The following STAG1 variants were observed in gnomAD, a reference collection of about 807,000 sequenced individuals.
The protein encoded by STAG1 is cohesin subunit SA-1.
In STAG1, 26 loss-of-function variants were observed where a neutral mutation model predicts 170.9. That is an observed-to-expected ratio of 0.15 (90% CI 0.11 to 0.21). The LOEUF (loss-of-function observed/expected upper bound fraction) is 0.21, where lower values mean the gene tolerates loss of function less well. Among genes scored for constraint, STAG1 ranks in the 10% least tolerant of loss-of-function variants. STAG1 has a pLI of 1.00. For missense variants in STAG1, 964 were observed against 1,509.5 expected (o/e 0.64, Z 5.99); for synonymous variants, 514 against 497.7 (o/e 1.03, Z -0.44).
At chr3:136,688,718 T>C (rs879432293) in intron 1 of STAG1, among the ~76,000 whole-genome samples, 1 of 152,164 alleles carries the variant, frequency 6.6e-6, no homozygotes, top group African/African-American at 2.4e-5. Context: ...TATGTTGTTT[T>C]GACAATGTCC....
Position 136,607,949 on chromosome 3 carries a change from CAG to C in STAG1, c.133-3478_133-3477del, listed in dbSNP as rs530954258. On this transcript the variant is annotated intron_variant, in intron 3 of 33. Transcript: ENST00000383202. ...GGTTCCTTTTATTGGAAAATGATAT[CAG>C]AGAGTAAGAACTGCACACTGGTTGG... Among the ~76,000 whole-genome samples, 274 of 152,264 alleles carry C rather than the reference CAG, an allele frequency of 1.8e-3. 1 individual carries two copies. Among genetic ancestry groups the C allele is most frequent in the African/African-American group, 6.4e-3 (264 of 41,568 alleles).
chr3:136,568,721 G>T, intron 5 of STAG1, 44 bp downstream of exon 5: 2 of 1,404,800 alleles, frequency 1.4e-6, no homozygotes, highest in Non-Finnish European at 2.0e-6. Context: ...CACACTGCTG[G>T]ACTGACAGGC....
At chr3:136,338,317 A>C in intron 33 of STAG1, 40 bp from the exon 34 acceptor site, 1 of 1,589,944 alleles carries the variant, frequency 6.3e-7, no homozygotes, top group South Asian at 1.1e-5. Context: ...AATTTCATGC[A>C]TAAACAGGAC....
At chr3:136,435,400 C>G (rs2088429214) in intron 15 of STAG1, among the ~76,000 whole-genome samples, 1 of 152,064 alleles carries the variant, frequency 6.6e-6, no homozygotes, top group Non-Finnish European at 1.5e-5. Context: ...TAGTTTGACC[C>G]CAGAGTCAGT....
At chr3:136,747,093 TAAAA>T (rs71134408) in intron 1 of STAG1, among the ~76,000 whole-genome samples, 8 of 59,336 alleles carry the variant, frequency 1.3e-4, no homozygotes, top group African/African-American at 2.5e-4. Flanking sequence ...TGAAACTGTC[TAAAA>T]AAAAAAAAAA....
intron 1 of STAG1, chr3:136,737,259 T>G: frequency 1.8e-6 from 1 of 568,834 alleles, no homozygotes; most frequent in South Asian, 1.6e-5. Flanking sequence ...GTGACCCCCA[T>G]GCCCAGTTAA....
At chr3:136,703,066 C>CA (rs1157305676) in intron 1 of STAG1, among the ~76,000 whole-genome samples, 956 of 75,538 alleles carry the variant, frequency 0.013, 15 homozygotes, top group African/African-American at 0.027. Flanking sequence ...GACTCCATCT[C>CA]AAAAAAAAAA....
intron 9 of STAG1, among the ~76,000 whole-genome samples, chr3:136,485,349 C>T (rs745380655): frequency 2.0e-5 from 3 of 151,928 alleles, no homozygotes; most frequent in African/African-American, 4.8e-5. Flanking sequence ...CCCAGCTACT[C>T]GAGAGGCTGA....
At chr3:136,561,181 G>T (rs1034929672) in intron 5 of STAG1, among the ~76,000 whole-genome samples, 10 of 152,074 alleles carry the variant, frequency 6.6e-5, no homozygotes, top group Non-Finnish European at 1.3e-4. Context: ...TCCCCCACTT[G>T]TCCCTTGTCG....
At chr3:136,601,301 C>T (rs1938665345) in intron 4 of STAG1, among the ~76,000 whole-genome samples, 1 of 151,518 alleles carries the variant, frequency 6.6e-6, no homozygotes. Context: ...AAAAATGTGC[C>T]CAAAAGACTG....
chr3:136,449,255 G>A (rs754205751), intron 14 of STAG1, among the ~76,000 whole-genome samples: 4 of 151,762 alleles, frequency 2.6e-5, no homozygotes, highest in Non-Finnish European at 5.9e-5. Context: ...AGTTGCTTTT[G>A]TAGCTGTGAA....
chr3:136,500,015 T>G, intron 9 of STAG1: 1 of 449,792 alleles, frequency 2.2e-6, no homozygotes, highest in South Asian at 2.4e-5. Context: ...ACAGCATATG[T>G]TCTGAATTTG....
intron 13 of STAG1, among the ~76,000 whole-genome samples, chr3:136,464,340 T>C (rs971523302): frequency 6.6e-6 from 1 of 151,974 alleles, no homozygotes; most frequent in African/African-American, 2.4e-5. Context: ...GGATAATCGC[T>C]TGAACCTGGG....
At chr3:136,466,834 G>A (rs1382255435) in intron 12 of STAG1, among the ~76,000 whole-genome samples, 1 of 152,216 alleles carries the variant, frequency 6.6e-6, no homozygotes, top group African/African-American at 2.4e-5. Context: ...CCAGAAGAGA[G>A]TGGAAGCCAA....
intron 1 of STAG1, among the ~76,000 whole-genome samples, chr3:136,660,355 T>C (rs1229865377): frequency 6.6e-6 from 1 of 151,974 alleles, no homozygotes; most frequent in African/African-American, 2.4e-5. Context: ...GGCCCACAAT[T>C]GAAGAAAAAA....
At chr3:136,347,757 C>T (rs1271545752) in intron 29 of STAG1, among the ~76,000 whole-genome samples, 1 of 152,164 alleles carries the variant, frequency 6.6e-6, no homozygotes, top group Non-Finnish European at 1.5e-5. Context: ...TGAATGCTAC[C>T]TATGTGCCAA....
At chr3:136,401,572 G>T (rs2087327036) in intron 21 of STAG1, among the ~76,000 whole-genome samples, 1 of 152,038 alleles carries the variant, frequency 6.6e-6, no homozygotes, top group African/African-American at 2.4e-5. Context: ...TTACATATGG[G>T]TAGTGGTTTT....
intron 9 of STAG1, among the ~76,000 whole-genome samples, chr3:136,478,497 GATCA>G (rs1364114218): frequency 2.6e-5 from 4 of 152,072 alleles, no homozygotes; most frequent in Admixed American, 6.5e-5. Flanking sequence ...TTCTTCTGTA[GATCA>G]ATCTTCAAGG....
intron 4 of STAG1, among the ~76,000 whole-genome samples, chr3:136,573,773 C>T (rs539872988): frequency 6.6e-6 from 1 of 152,182 alleles, no homozygotes; most frequent in South Asian, 2.1e-4. Context: ...GAGATGGAGA[C>T]CATCCTGGCT....
Sources: allele counts gnomAD v4.1 joint callset (sites outside exome capture counted in the v4.1 genomes callset), GRCh38; gene constraint gnomAD v4.1.1; transcripts MANE v1.5; gene names NCBI Gene and HGNC (gene_info 2026-07-23, HGNC 2026-07-21).